SCAPER: variants seen among roughly 807,000 people sequenced by gnomAD.
The protein encoded by SCAPER is S phase cyclin A-associated protein in the endoplasmic reticulum.
In SCAPER, 98 loss-of-function variants were observed where a neutral mutation model predicts 182.2. That is an observed-to-expected ratio of 0.54 (90% CI 0.46 to 0.64). SCAPER has a LOEUF of 0.64. Among genes scored for constraint, SCAPER ranks in the 30% least tolerant of loss-of-function variants. The probability of loss-of-function intolerance (pLI) is 0.00; values close to 1 mark genes in which losing one functional copy is unlikely to be tolerated. For synonymous variants in SCAPER, 605 were observed against 564.6 expected (o/e 1.07, Z -1.01); for missense variants, 1,432 against 1,690.0 (o/e 0.85, Z 2.68).
intron 24 of SCAPER, chr15:76,472,451 A>C: frequency 1.9e-6 from 1 of 531,800 alleles, no homozygotes; most frequent in Admixed American, 2.4e-5. Context: ...TAAAAATGCA[A>C]AATTTGTTTT....
At chr15:76,511,570 C>A (rs986162076) in intron 23 of SCAPER, among the ~76,000 whole-genome samples, 2 of 152,180 alleles carry the variant, frequency 1.3e-5, no homozygotes, top group African/African-American at 4.8e-5. Context: ...CTGCCAGGAT[C>A]CTTCCTCTCT....
chr15:76,818,817 T>C (rs1404719431), intron 5 of SCAPER, among the ~76,000 whole-genome samples: 1 of 151,978 alleles, frequency 6.6e-6, no homozygotes, highest in Non-Finnish European at 1.5e-5. Flanking sequence ...GCCCAAGGGG[T>C]CAGGGAATTC....
intron 15 of SCAPER, among the ~76,000 whole-genome samples, chr15:76,749,268 A>C (rs1308714800): frequency 6.6e-6 from 1 of 152,130 alleles, no homozygotes; most frequent in African/African-American, 2.4e-5. Flanking sequence ...TTAATTGACA[A>C]AACACCATGT....
At chr15:76,624,971 G>A (rs1259758846) in intron 21 of SCAPER, among the ~76,000 whole-genome samples, 1 of 152,172 alleles carries the variant, frequency 6.6e-6, no homozygotes, top group Non-Finnish European at 1.5e-5. Context: ...GCCTTCATGG[G>A]CTGGCAGTCT....
intron 26 of SCAPER, among the ~76,000 whole-genome samples, chr15:76,411,170 T>A (rs1310220093): frequency 6.6e-6 from 1 of 152,192 alleles, no homozygotes; most frequent in African/African-American, 2.4e-5. Context: ...TGTCCCTGGC[T>A]AAACATGATG....
chr15:76,577,521 C>T (rs746654271), intron 22 of SCAPER, among the ~76,000 whole-genome samples: 17 of 152,120 alleles, frequency 1.1e-4, no homozygotes, highest in South Asian at 6.2e-4. Flanking sequence ...CATAGTAGGA[C>T]GGAATAACTG....
At chr15:76,724,084 T>C (rs1239625397) in intron 17 of SCAPER, among the ~76,000 whole-genome samples, 1 of 152,090 alleles carries the variant, frequency 6.6e-6, no homozygotes, top group Non-Finnish European at 1.5e-5. Context: ...CCATGTTTAG[T>C]GCTTCCTTCA....
chr15:76,805,917 T>C (rs1432665874), intron 5 of SCAPER, among the ~76,000 whole-genome samples: 1 of 152,320 alleles, frequency 6.6e-6, no homozygotes, highest in Admixed American at 6.5e-5. Flanking sequence ...TTGCCCTTTT[T>C]TACTGAGTTA....
chr15:76,869,021 A>G (rs1299162912), intron 2 of SCAPER, among the ~76,000 whole-genome samples: 1 of 152,168 alleles, frequency 6.6e-6, no homozygotes, highest in African/African-American at 2.4e-5. Flanking sequence ...GGGAAAGAAC[A>G]CCCTATTCAA....
At chr15:76,535,249 C>T (rs1215967441) in intron 23 of SCAPER, among the ~76,000 whole-genome samples, 1 of 152,178 alleles carries the variant, frequency 6.6e-6, no homozygotes, top group South Asian at 2.1e-4. Context: ...TTTGGCCAGG[C>T]GTGGTGGCTC....
intron 23 of SCAPER, chr15:76,567,528 C>CCTG: frequency 4.5e-6 from 1 of 220,270 alleles, no homozygotes; most frequent in Non-Finnish European, 9.4e-6. Context: ...TGCTCTAGTT[C>CCTG]TTTGCCAATA....
chr15:76,800,340 T>C lies in SCAPER; in HGVS notation c.519A>G (p.Val173=). 1 of 1,612,266 alleles carries C rather than the reference T, an allele frequency of 6.2e-7. No homozygotes were observed. ...QSRPTSLAWE[V]KKMSPGRHVI... is the part of the protein sequence containing the mutation. Reference sequence around the variant, plus strand: ...CATGGCGTCCCGGAGACATCTTCTTTACTTCCCATGCCAATGATGTTGGTC... The same window carrying C: ...CATGGCGTCCCGGAGACATCTTCTTCACTTCCCATGCCAATGATGTTGGTC... The change falls in exon 7 of 32, where the codon GTA becomes GTG. Residue 173 remains valine, a synonymous_variant. Coordinates refer to ENST00000563290, the MANE Select transcript of SCAPER (RefSeq NM_020843.4).
At chr15:76,397,538 T>C (rs907164715) in intron 27 of SCAPER, among the ~76,000 whole-genome samples, 3 of 132,328 alleles carry the variant, frequency 2.3e-5, no homozygotes, top group African/African-American at 8.2e-5. Context: ...TGGAGTGCAG[T>C]GGCGTGATCT....
chr15:76,482,618 A>G (rs189681326), intron 24 of SCAPER, among the ~76,000 whole-genome samples: 51 of 152,294 alleles, frequency 3.3e-4, no homozygotes, highest in Admixed American at 8.5e-4. Flanking sequence ...AGATGTGACA[A>G]AAAGCCTCCT....
At chr15:76,695,447 A>G (rs1221996400) in intron 20 of SCAPER, among the ~76,000 whole-genome samples, 8 of 151,990 alleles carry the variant, frequency 5.3e-5, no homozygotes, top group Non-Finnish European at 1.2e-4. Context: ...AAATACAAAA[A>G]TTAGCAGGGT....
intron 1 of SCAPER, among the ~76,000 whole-genome samples, chr15:76,897,601 G>A (rs1232206685): frequency 2.0e-5 from 3 of 152,126 alleles, no homozygotes; most frequent in Admixed American, 6.5e-5. Flanking sequence ...CAGGTACTCA[G>A]AAGACTGAGG....
At chr15:76,826,650 G>A (rs1174659644) in intron 5 of SCAPER, among the ~76,000 whole-genome samples, 2 of 151,480 alleles carry the variant, frequency 1.3e-5, no homozygotes, top group African/African-American at 4.9e-5. Flanking sequence ...GAGCATGGAT[G>A]TTCCCTCCTA....
chr15:76,605,822 T>C (rs931017633), intron 22 of SCAPER, among the ~76,000 whole-genome samples: 1 of 152,232 alleles, frequency 6.6e-6, no homozygotes, highest in Non-Finnish European at 1.5e-5. Context: ...GAGATGTTTA[T>C]AGTATTCTCT....
At chr15:76,884,631 T>A (rs1487737036) in intron 1 of SCAPER, among the ~76,000 whole-genome samples, 11 of 152,194 alleles carry the variant, frequency 7.2e-5, no homozygotes. Context: ...AAAATCTAGA[T>A]CATTTATCCT....
Sources: gnomAD v4.1 joint callset for allele counts (sites outside exome capture counted in the v4.1 genomes callset) on GRCh38, gnomAD v4.1.1 for gene constraint, MANE v1.5 for transcripts, NCBI Gene and HGNC (gene_info 2026-07-23, HGNC 2026-07-21) for gene names.